The following N4BP1 variants were observed in gnomAD, a reference collection of about 807,000 sequenced individuals.
N4BP1 encodes NEDD4 binding protein 1.
A neutral mutation model predicts 70.9 loss-of-function variants in N4BP1; 21 were observed. That is an observed-to-expected ratio of 0.30 (90% CI 0.21 to 0.43). The LOEUF (loss-of-function observed/expected upper bound fraction) is 0.43, where lower values mean the gene tolerates loss of function less well. N4BP1 is among the 20% of genes least tolerant of loss of function. N4BP1 has a pLI of 1.00. For missense variants in N4BP1, 936 were observed against 1,069.4 expected (o/e 0.88, Z 1.74); for synonymous variants, 387 against 394.6 (o/e 0.98, Z 0.23).
In N4BP1 at chr16:48,540,531, C is replaced by T. The variant is rs1814138105; in HGVS notation, c.*2373G>A. 1 of 152,376 alleles carries T rather than the reference C, an allele frequency of 6.6e-6. No individual in the cohort carries two copies. The highest frequency in any genetic ancestry group is 1.5e-5 in the Non-Finnish European group (1 of 68,130). 9.4% of individuals were successfully genotyped at this position (152,376 alleles called of 1,614,324 possible). A position where few individuals can be genotyped will look rare whatever the true frequency, so the allele number is the denominator to read the frequency against. On this transcript the variant is annotated 3_prime_UTR_variant, in exon 7 of 7. Coordinates refer to ENST00000262384, the MANE Select transcript of N4BP1 (RefSeq NM_153029.4). ...ACAGACTGCTTGCATTAAGGTCAGA[C>T]AAGGCTCTTTTACTTCCAGAGACAG... is the stretch of plus-strand genomic sequence containing the variant.
At chr16:48,591,528 C>CT (rs1278293301) in intron 1 of N4BP1, among the ~76,000 whole-genome samples, 1 of 151,590 alleles carries the variant, frequency 6.6e-6, no homozygotes, top group Non-Finnish European at 1.5e-5. Context: ...TGGCTAGAGT[C>CT]TGATAATAAG....
chr16:48,550,434 G>A (rs919294172), intron 4 of N4BP1, among the ~76,000 whole-genome samples: 1 of 152,086 alleles, frequency 6.6e-6, no homozygotes, highest in Non-Finnish European at 1.5e-5. Context: ...AGAACGGCTA[G>A]AACCTGAGAG....
chr16:48,576,867 T>C (rs1159676680), intron 1 of N4BP1, among the ~76,000 whole-genome samples: 2 of 152,210 alleles, frequency 1.3e-5, no homozygotes, highest in African/African-American at 4.8e-5. Context: ...CCACTGCTGA[T>C]GCGTGGAACT....
At chr16:48,604,582 C>CAA (rs796232892) in intron 1 of N4BP1, among the ~76,000 whole-genome samples, 1,775 of 109,596 alleles carry the variant, frequency 0.016, 30 homozygotes, top group African/African-American at 0.067. Flanking sequence ...AACAAACAAA[C>CAA]AAAAAAAAAC....
At chr16:48,605,707 G>A (rs1276375682) in intron 1 of N4BP1, among the ~76,000 whole-genome samples, 1 of 152,134 alleles carries the variant, frequency 6.6e-6, no homozygotes, top group Non-Finnish European at 1.5e-5. Flanking sequence ...ACCAGCAACA[G>A]ACCACACTGA....
intron 3 of N4BP1, among the ~76,000 whole-genome samples, 170 bp downstream of exon 3, chr16:48,553,369 G>A (rs1963703681): frequency 6.6e-6 from 1 of 152,204 alleles, no homozygotes. Context: ...TATTTGTGAT[G>A]CTGTGGCACT....
intron 1 of N4BP1, among the ~76,000 whole-genome samples, chr16:48,571,803 G>T (rs944709676): frequency 6.6e-6 from 1 of 152,082 alleles, no homozygotes; most frequent in African/African-American, 2.4e-5. Flanking sequence ...AAGGAAAGAG[G>T]CCTTAAAGGT....
chr16:48,566,608 C>G (rs973155729), intron 1 of N4BP1, among the ~76,000 whole-genome samples: 1 of 152,072 alleles, frequency 6.6e-6, no homozygotes, highest in African/African-American at 2.4e-5. Flanking sequence ...TTATTGAGCA[C>G]TGTTTTGTAG....
At chr16:48,554,084 C>T (rs755286737) in intron 2 of N4BP1, among the ~76,000 whole-genome samples, 8 of 151,168 alleles carry the variant, frequency 5.3e-5, no homozygotes, top group Non-Finnish European at 8.8e-5. Flanking sequence ...TTACAGCTTA[C>T]GAGAAACACG....
chr16:48,604,906 C>A (rs1395113103), intron 1 of N4BP1, among the ~76,000 whole-genome samples: 1 of 152,218 alleles, frequency 6.6e-6, no homozygotes, highest in East Asian at 1.9e-4. Context: ...CTGCCCTCTC[C>A]AAAAGGGCCA....
chr16:48,567,533 G>A (rs1255435950), intron 1 of N4BP1, among the ~76,000 whole-genome samples: 1 of 151,968 alleles, frequency 6.6e-6, no homozygotes, highest in East Asian at 1.9e-4. Context: ...TTGCCAGGCT[G>A]GTCTCGAACT....
intron 4 of N4BP1, among the ~76,000 whole-genome samples, chr16:48,549,300 AT>A (rs1432210109): frequency 6.6e-6 from 1 of 152,226 alleles, no homozygotes; most frequent in African/African-American, 2.4e-5. Context: ...TTTACAAATG[AT>A]TTCTAACTGG....
At chr16:48,574,543 G>A (rs866370503) in intron 1 of N4BP1, among the ~76,000 whole-genome samples, 4 of 152,064 alleles carry the variant, frequency 2.6e-5, no homozygotes, top group East Asian at 1.9e-4. Context: ...AAAATAAAAC[G>A]TAAAATTAAA....
rs753035562 is a variant in N4BP1, at chr16:48,542,891, C to A, written c.*13G>T. On this transcript the variant is annotated 3_prime_UTR_variant, in exon 7 of 7. Coordinates refer to ENST00000262384, the MANE Select transcript of N4BP1 (RefSeq NM_153029.4). The stretch of plus-strand genomic sequence containing the variant: ...GCCAGCCCTGAGCGCAAGCTCAGCG[C>A]TCAGCACAATCTTCAATCCAACACC... 1 of 1,591,182 alleles carries A rather than the reference C, an allele frequency of 6.3e-7. No homozygotes were observed. The highest frequency in any genetic ancestry group is 8.6e-7 in the Non-Finnish European group (1 of 1,164,150).
At chr16:48,601,196 T>C (rs1964492418) in intron 1 of N4BP1, among the ~76,000 whole-genome samples, 1 of 152,242 alleles carries the variant, frequency 6.6e-6, no homozygotes, top group Admixed American at 6.5e-5. Flanking sequence ...ATCATTCTGA[T>C]AGGCAGTCGT....
chr16:48,607,080 A>G (rs1964593918), intron 1 of N4BP1, among the ~76,000 whole-genome samples: 1 of 152,180 alleles, frequency 6.6e-6, no homozygotes, highest in African/African-American at 2.4e-5. Flanking sequence ...GGGAGAAAAA[A>G]AAGAATTTCT....
chr16:48,573,460 G>A (rs1025060198), intron 1 of N4BP1, among the ~76,000 whole-genome samples: 3 of 152,118 alleles, frequency 2.0e-5, no homozygotes, highest in Admixed American at 6.5e-5. Flanking sequence ...GGGCATTGTG[G>A]CACACAACTG....
chr16:48,583,152 G>T (rs529095525), intron 1 of N4BP1, among the ~76,000 whole-genome samples: 1 of 152,220 alleles, frequency 6.6e-6, no homozygotes, highest in East Asian at 1.9e-4. Context: ...CTTGGTGTCC[G>T]CAGGGGATTG....
intron 1 of N4BP1, 47 bp downstream of exon 1, chr16:48,609,728 C>T (rs998472938): frequency 1.9e-5 from 25 of 1,293,812 alleles, no homozygotes; most frequent in Non-Finnish European, 2.4e-5. Context: ...CCCGGAGACC[C>T]GGACCGATCG....
Sources: gnomAD v4.1 joint callset for allele counts (sites outside exome capture counted in the v4.1 genomes callset) on GRCh38, gnomAD v4.1.1 for gene constraint, MANE v1.5 for transcripts, NCBI Gene and HGNC (gene_info 2026-07-23, HGNC 2026-07-21) for gene names.